The following ZC3H12B variants were observed in gnomAD, a reference collection of about 807,000 sequenced individuals.
ZC3H12B encodes the protein zinc finger CCCH-type containing 12B.
ZC3H12B carries 7 observed loss-of-function variants against 43.9 expected under a neutral mutation model. The observed-to-expected ratio is 0.16, with a 90% CI of 0.09 to 0.30. ZC3H12B has a LOEUF of 0.30. Ranked by LOEUF, ZC3H12B falls within the 10% of genes least tolerant of loss-of-function variation. The pLI is 1.00. For synonymous variants in ZC3H12B, 222 were observed against 241.7 expected, an observed-to-expected ratio of 0.92 and a Z score of 0.76; for missense variants, 475 against 670.2, an observed-to-expected ratio of 0.71 and a Z score of 3.22.
chrX:65,279,125 G>A, the ZC3H12B span, among the ~76,000 whole-genome samples: 3 of 110,494 alleles, frequency 2.7e-5, no homozygotes, highest in Non-Finnish European at 5.7e-5. Flanking sequence ...ATGGTAGAAT[G>A]TTTTCTATTC....
chrX:65,323,031 T>G, the ZC3H12B span, among the ~76,000 whole-genome samples: 1 of 111,693 alleles, frequency 9.0e-6, no homozygotes, highest in Non-Finnish European at 1.9e-5. Flanking sequence ...ACTACTGATT[T>G]TTGTGTGGTG....
the ZC3H12B span, among the ~76,000 whole-genome samples, chrX:65,261,781 TGTA>T: frequency 9.0e-6 from 1 of 110,984 alleles, no homozygotes; most frequent in Non-Finnish European, 1.9e-5. Flanking sequence ...TTATAATACA[TGTA>T]ATACCCAGAT....
chrX:65,405,709 G>T (rs2066813540), intron 3 of ZC3H12B, among the ~76,000 whole-genome samples: 1 of 111,852 alleles, frequency 8.9e-6, no homozygotes, highest in Non-Finnish European at 1.9e-5. Flanking sequence ...GAAACAAAAA[G>T]TTGGTTTTTT....
At chrX:65,259,330 A>G in the ZC3H12B span, among the ~76,000 whole-genome samples, 1 of 112,489 alleles carries the variant, frequency 8.9e-6, no homozygotes, top group African/African-American at 3.2e-5. Flanking sequence ...TCTCTATTCA[A>G]TAATTGTGCT....
the ZC3H12B span, among the ~76,000 whole-genome samples, chrX:65,138,085 C>T: frequency 8.9e-6 from 1 of 112,469 alleles, no homozygotes; most frequent in African/African-American, 3.2e-5. Flanking sequence ...CCGCCTCTGC[C>T]TCCCAAAGTC....
At chrX:65,364,111 C>A (rs2066140924), upstream of ZC3H12B, among the ~76,000 whole-genome samples, 1 of 111,054 alleles carries the variant, frequency 9.0e-6, no homozygotes, top group African/African-American at 3.3e-5. Context: ...TTCCACCAGG[C>A]CTAATCGCTA....
chrX:65,392,657 A>G (rs12395383), intron 2 of ZC3H12B, among the ~76,000 whole-genome samples: 1 of 110,146 alleles, frequency 9.1e-6, no homozygotes, highest in African/African-American at 3.3e-5. Flanking sequence ...CGGCCTCCCC[A>G]TCTGGGGGGT....
At chrX:65,490,395 A>AAAAAAAAAAAAAAT in intron 1 of ZC3H12B, among the ~76,000 whole-genome samples, 1 of 108,978 alleles carries the variant, frequency 9.2e-6, no homozygotes, top group Non-Finnish European at 1.9e-5. Context: ...AAAAAAAAAA[A>AAAAAAAAAAAAAAT]AAAAAAGAAT....
At chrX:65,048,751 C>A in the ZC3H12B span, among the ~76,000 whole-genome samples, 2 of 110,866 alleles carry the variant, frequency 1.8e-5, no homozygotes, top group African/African-American at 6.5e-5. Flanking sequence ...GTTCATTTGG[C>A]AAAAATCATG....
At chrX:65,217,731 G>T in the ZC3H12B span, among the ~76,000 whole-genome samples, 1 of 111,916 alleles carries the variant, frequency 8.9e-6, no homozygotes. Flanking sequence ...TGAGCTGTAA[G>T]ATGGGCTGTA....
the ZC3H12B span, among the ~76,000 whole-genome samples, chrX:65,247,875 TATA>T: frequency 8.9e-6 from 1 of 112,236 alleles, no homozygotes; most frequent in African/African-American, 3.2e-5. Context: ...GCCTTGAAAT[TATA>T]ATAAACGTTT....
intron 3 of ZC3H12B, among the ~76,000 whole-genome samples, chrX:65,422,919 T>C (rs2067036090): frequency 9.5e-6 from 1 of 105,331 alleles, no homozygotes; most frequent in Admixed American, 1.0e-4. Context: ...ACATTTTCTT[T>C]CTTTGCTTTT....
At chrX:65,178,838 T>A in the ZC3H12B span, among the ~76,000 whole-genome samples, 1 of 112,036 alleles carries the variant, frequency 8.9e-6, no homozygotes, top group Admixed American at 9.4e-5. Flanking sequence ...TCAACCATTG[T>A]GGAAGAGAGT....
the ZC3H12B span, among the ~76,000 whole-genome samples, chrX:65,062,399 C>G: frequency 1.8e-5 from 2 of 112,101 alleles, no homozygotes; most frequent in African/African-American, 6.5e-5. Flanking sequence ...TTTCCCAGCA[C>G]CATTTATTAA....
chrX:65,357,618 A>C, the ZC3H12B span: 1 of 112,700 alleles, frequency 8.9e-6, no homozygotes, highest in African/African-American at 3.2e-5. Flanking sequence ...GGAGAAATAA[A>C]ATCCTTTACA....
At chrX:65,226,408 T>C in the ZC3H12B span, among the ~76,000 whole-genome samples, 1 of 111,737 alleles carries the variant, frequency 8.9e-6, no homozygotes, top group Non-Finnish European at 1.9e-5. Flanking sequence ...TACCAGCCAC[T>C]GCAAAATCAT....
At chrX:65,064,414 G>A in the ZC3H12B span, among the ~76,000 whole-genome samples, 2 of 112,067 alleles carry the variant, frequency 1.8e-5, no homozygotes, top group African/African-American at 3.2e-5. Flanking sequence ...TATTTACCCA[G>A]TAGTCATTCA....
chrX:65,407,412 C>A (rs1221446510), intron 3 of ZC3H12B, among the ~76,000 whole-genome samples: 1 of 113,018 alleles, frequency 8.8e-6, no homozygotes, highest in East Asian at 2.8e-4. Context: ...CCGCACTTTC[C>A]CCGCCTAGTC....
At chrX:65,257,953 G>A in the ZC3H12B span, among the ~76,000 whole-genome samples, 1 of 111,105 alleles carries the variant, frequency 9.0e-6, no homozygotes, top group East Asian at 2.8e-4. Flanking sequence ...CACCAGATAT[G>A]TATAGAAAAA....
Sources: gnomAD v4.1 joint callset for allele counts (sites outside exome capture counted in the v4.1 genomes callset) on GRCh38, gnomAD v4.1.1 for gene constraint, MANE v1.5 for transcripts, NCBI Gene and HGNC (gene_info 2026-07-23, HGNC 2026-07-21) for gene names.